MAGI2: variants seen among roughly 807,000 people sequenced by gnomAD.
MAGI2 encodes the protein membrane-associated guanylate kinase, WW and PDZ domain-containing protein 2.
In MAGI2, 35 loss-of-function variants were observed where a neutral mutation model predicts 133.3. The observed-to-expected ratio is 0.26, with a 90% CI of 0.20 to 0.35. MAGI2 has a LOEUF of 0.35. MAGI2 is among the 10% of genes least tolerant of loss of function. The pLI is 1.00. For synonymous variants in MAGI2, 729 were observed against 710.6 expected (o/e 1.03, Z -0.41); for missense variants, 1,636 against 1,863.4 (o/e 0.88, Z 2.25).
At chr7:78,903,914 A>G (rs1479704611) in intron 2 of MAGI2, 1 of 152,226 alleles carries the variant, frequency 6.6e-6, no homozygotes, top group Non-Finnish European at 1.5e-5. Context: ...ATCATTGTCT[A>G]TATGTTTTTT....
chr7:78,879,590 A>G (rs1410515281), intron 2 of MAGI2, among the ~76,000 whole-genome samples: 1 of 152,070 alleles, frequency 6.6e-6, no homozygotes, highest in African/African-American at 2.4e-5. Context: ...AAAAATCCTA[A>G]CCACATGAAA....
At chr7:78,100,988 A>G (rs1818164796) in intron 20 of MAGI2, among the ~76,000 whole-genome samples, 1 of 150,322 alleles carries the variant, frequency 6.7e-6, no homozygotes, top group Non-Finnish European at 1.5e-5. Flanking sequence ...GAAAAAAAAA[A>G]GTAACCAAGG....
chr7:78,834,787 G>A (rs1791472108), intron 2 of MAGI2, among the ~76,000 whole-genome samples: 3 of 152,110 alleles, frequency 2.0e-5, no homozygotes, highest in Admixed American at 1.3e-4. Flanking sequence ...TGGTCATGGG[G>A]TGGATCCCTT....
intron 1 of MAGI2, among the ~76,000 whole-genome samples, chr7:79,444,399 G>A (rs1406093464): frequency 6.6e-6 from 1 of 152,150 alleles, no homozygotes; most frequent in Non-Finnish European, 1.5e-5. Flanking sequence ...TGACATGATT[G>A]TATATCAGAA....
At chr7:78,665,723 T>C (rs940282883) in intron 2 of MAGI2, among the ~76,000 whole-genome samples, 2 of 152,068 alleles carry the variant, frequency 1.3e-5, no homozygotes, top group African/African-American at 2.4e-5. Flanking sequence ...AAACCATATA[T>C]CTAGGATAAA....
At chr7:78,238,695 G>C (rs1439872124) in intron 10 of MAGI2, among the ~76,000 whole-genome samples, 1 of 152,020 alleles carries the variant, frequency 6.6e-6, no homozygotes, top group African/African-American at 2.4e-5. Context: ...TTGGACTGCA[G>C]TGGAAGCCAG....
At chr7:79,229,225 C>T (rs1478407040) in intron 1 of MAGI2, among the ~76,000 whole-genome samples, 2 of 151,620 alleles carry the variant, frequency 1.3e-5, no homozygotes, top group Non-Finnish European at 2.9e-5. Context: ...AATCTCTCTG[C>T]TGCTTGCTTC....
At chr7:78,990,258 A>G (rs942011680) in intron 2 of MAGI2, among the ~76,000 whole-genome samples, 1 of 152,080 alleles carries the variant, frequency 6.6e-6, no homozygotes, top group African/African-American at 2.4e-5. Flanking sequence ...TGTGATTTAA[A>G]TCCAGTAGTT....
At chr7:78,083,390 GA>G (rs1816242907) in intron 20 of MAGI2, among the ~76,000 whole-genome samples, 27 of 17,206 alleles carry the variant, frequency 1.6e-3, no homozygotes, top group Admixed American at 4.2e-3. Context: ...GAGGGGGGGA[GA>G]GAGAGAGAGA....
At chr7:78,977,308 G>A (rs1474955222) in intron 2 of MAGI2, among the ~76,000 whole-genome samples, 2 of 151,190 alleles carry the variant, frequency 1.3e-5, no homozygotes, top group African/African-American at 4.9e-5. Flanking sequence ...ATTCTGACAA[G>A]GCAAAAAGGC....
At chr7:78,321,319 C>A (rs1787981504) in intron 9 of MAGI2, among the ~76,000 whole-genome samples, 1 of 152,106 alleles carries the variant, frequency 6.6e-6, no homozygotes, top group Non-Finnish European at 1.5e-5. Context: ...CAAGACAATC[C>A]TAGGCAAAAA....
At chr7:78,067,020 G>A (rs1813904733) in intron 21 of MAGI2, among the ~76,000 whole-genome samples, 1 of 152,210 alleles carries the variant, frequency 6.6e-6, no homozygotes, top group Non-Finnish European at 1.5e-5. Flanking sequence ...TCATAGCACG[G>A]TGTGTTTGAG....
intron 1 of MAGI2, among the ~76,000 whole-genome samples, chr7:79,135,488 CA>C (rs1821305769): frequency 6.6e-6 from 1 of 152,156 alleles, no homozygotes. Flanking sequence ...ACATACATGT[CA>C]AAAAATAGGG....
intron 9 of MAGI2, among the ~76,000 whole-genome samples, chr7:78,298,146 T>G (rs1483564373): frequency 6.6e-6 from 1 of 152,090 alleles, no homozygotes; most frequent in Non-Finnish European, 1.5e-5. Context: ...GAGCAAAACA[T>G]CAGACAAATC....
chr7:78,688,505 T>C (rs933261986), intron 2 of MAGI2, among the ~76,000 whole-genome samples: 32 of 152,178 alleles, frequency 2.1e-4, no homozygotes, highest in Non-Finnish European at 2.9e-5. Flanking sequence ...TGCAAGGCTT[T>C]TAAAAGAAAA....
At position 78,203,784 on chromosome 7, in the gene MAGI2, A is replaced by G. The variant is rs577541561; in HGVS notation, c.2048-2591T>C. 9.8e-4 allele frequency among the ~76,000 whole-genome samples: 150 copies of G among 152,364 alleles called. 1 individual carries two copies. Among genetic ancestry groups the G allele is most frequent in the African/African-American group, 3.5e-3 (144 of 41,588 alleles). Reference sequence around the variant, plus strand: ...TATTAATCATGTTACAAACATTTAAATTAAGATGAATGAAAAACATTTATT... The same window carrying G: ...TATTAATCATGTTACAAACATTTAAGTTAAGATGAATGAAAAACATTTATT... On this transcript the variant is annotated intron_variant, in intron 10 of 21. Transcript: ENST00000354212.
intron 2 of MAGI2, among the ~76,000 whole-genome samples, chr7:78,970,788 A>T (rs1049230964): frequency 4.6e-5 from 7 of 152,080 alleles, no homozygotes; most frequent in Admixed American, 1.3e-4. Context: ...TTAGCAAAGG[A>T]TATAACAAAG....
At chr7:78,775,256 T>C (rs1051251517) in intron 2 of MAGI2, among the ~76,000 whole-genome samples, 1 of 137,614 alleles carries the variant, frequency 7.3e-6, no homozygotes, top group African/African-American at 2.8e-5. Flanking sequence ...GAGCTTGCAG[T>C]GAGCCCAGAT....
At chr7:78,182,737 T>C (rs1827303666) in intron 13 of MAGI2, among the ~76,000 whole-genome samples, 1 of 152,258 alleles carries the variant, frequency 6.6e-6, no homozygotes, top group South Asian at 2.1e-4. Flanking sequence ...GTTGATGCAC[T>C]GTTTATGACT....
Sources: allele counts gnomAD v4.1 joint callset (sites outside exome capture counted in the v4.1 genomes callset), GRCh38; gene constraint gnomAD v4.1.1; transcripts MANE v1.5; gene names NCBI Gene and HGNC (gene_info 2026-07-23, HGNC 2026-07-21).